Variants in STK33 observed in about 807,000 individuals in gnomAD.
The protein encoded by STK33 is serine/threonine kinase 33, also known as serine/threonine-protein kinase 33.
STK33 carries 52 observed loss-of-function variants against 58.0 expected under a neutral mutation model. The observed-to-expected ratio is 0.90, with a 90% CI of 0.72 to 1.13. STK33 has a LOEUF of 1.13. Among genes scored for constraint, STK33 ranks in the 50% most tolerant of loss-of-function variants. STK33 has a pLI of 0.00. For synonymous variants in STK33, 215 were observed against 200.1 expected (o/e 1.07, Z -0.63); for missense variants, 630 against 604.2 (o/e 1.04, Z -0.45).
chr11:8,523,729 C>G (rs1294742904), intron 1 of STK33, among the ~76,000 whole-genome samples: 1 of 151,212 alleles, frequency 6.6e-6, no homozygotes, highest in Admixed American at 6.6e-5. Context: ...GCCACCGCCC[C>G]GTCTGGGAGG....
At chr11:8,543,607 T>G (rs1955687368) in intron 1 of STK33, among the ~76,000 whole-genome samples, 1 of 152,152 alleles carries the variant, frequency 6.6e-6, no homozygotes, top group Non-Finnish European at 1.5e-5. Context: ...GGAAGGGTTG[T>G]TGGTGGTAGG....
the STK33 span, among the ~76,000 whole-genome samples, chr11:8,369,309 G>A: frequency 6.6e-6 from 1 of 150,692 alleles, no homozygotes; most frequent in African/African-American, 2.4e-5. Flanking sequence ...GTGTGTGTGT[G>A]TGTGTGTGTG....
At chr11:8,585,567 C>G (rs570850457) in intron 1 of STK33, among the ~76,000 whole-genome samples, 1 of 151,938 alleles carries the variant, frequency 6.6e-6, no homozygotes, top group East Asian at 1.9e-4. Flanking sequence ...AGAGCAAGTC[C>G]AAGACAGATG....
intron 1 of STK33, among the ~76,000 whole-genome samples, chr11:8,516,794 C>T (rs868300993): frequency 2.6e-5 from 4 of 152,160 alleles, no homozygotes; most frequent in South Asian, 4.1e-4. Context: ...GAGGGGCGTC[C>T]GCCATTGCTG....
At chr11:8,399,059 G>A (rs377258179) in intron 15 of STK33, among the ~76,000 whole-genome samples, 1 of 152,114 alleles carries the variant, frequency 6.6e-6, no homozygotes, top group African/African-American at 2.4e-5. Flanking sequence ...ACAGATCAAC[G>A]AGACAGAAAG....
chr11:8,453,633 G>C (rs10840051), intron 10 of STK33, among the ~76,000 whole-genome samples: 83,697 of 152,082 alleles, frequency 0.55, 23,419 homozygotes, highest in African/African-American at 0.65. Flanking sequence ...TCAGTATGTG[G>C]CTTTGGAATT....
At chr11:8,357,222 C>T in the STK33 span, among the ~76,000 whole-genome samples, 8 of 152,362 alleles carry the variant, frequency 5.3e-5, no homozygotes, top group African/African-American at 1.7e-4. Context: ...AATGCCCCAT[C>T]GGCTCCCTAA....
intron 1 of STK33, among the ~76,000 whole-genome samples, chr11:8,487,892 T>C (rs573266004): frequency 6.6e-6 from 1 of 152,318 alleles, no homozygotes; most frequent in East Asian, 1.9e-4. Flanking sequence ...AAAGCATGCA[T>C]GTGTGAATGA....
At chr11:8,521,384 C>A (rs542667461) in intron 1 of STK33, among the ~76,000 whole-genome samples, 1 of 152,266 alleles carries the variant, frequency 6.6e-6, no homozygotes, top group East Asian at 1.9e-4. Flanking sequence ...GAAAGGATTC[C>A]CTATTTAATA....
chr11:8,517,696 C>A (rs1952935862), intron 1 of STK33, among the ~76,000 whole-genome samples: 1 of 152,074 alleles, frequency 6.6e-6, no homozygotes, highest in African/African-American at 2.4e-5. Flanking sequence ...GACGCATGCA[C>A]AAGCTTCAGT....
At chr11:8,364,305 T>C in the STK33 span, among the ~76,000 whole-genome samples, 1 of 152,260 alleles carries the variant, frequency 6.6e-6, no homozygotes, top group Admixed American at 6.5e-5. Flanking sequence ...CATTTTCATT[T>C]CTTTGTTGCA....
chr11:8,427,686 T>C (rs1283182082), intron 14 of STK33, among the ~76,000 whole-genome samples: 1 of 152,188 alleles, frequency 6.6e-6, no homozygotes, highest in African/African-American at 2.4e-5. Context: ...TACAATCTGA[T>C]CATCTAGTTT....
chr11:8,466,878 CTTCTG>C (rs1948251772), intron 6 of STK33: 1 of 152,282 alleles, frequency 6.6e-6, no homozygotes, highest in African/African-American at 2.4e-5. Flanking sequence ...TAATTCTTCA[CTTCTG>C]TGCACTCGCA....
intron 1 of STK33, among the ~76,000 whole-genome samples, chr11:8,565,481 C>T (rs1957389280): frequency 6.6e-6 from 1 of 151,482 alleles, no homozygotes; most frequent in Non-Finnish European, 1.5e-5. Flanking sequence ...GTCATAAGCC[C>T]CGAGTTCAAA....
At chr11:8,460,745 G>A (rs1565068322) in intron 8 of STK33, among the ~76,000 whole-genome samples, 1 of 152,034 alleles carries the variant, frequency 6.6e-6, no homozygotes, top group Non-Finnish European at 1.5e-5. Context: ...ATGGCTTAAA[G>A]CTGATGATAA....
chr11:8,394,479 A>T (rs1257516562), intron 15 of STK33, among the ~76,000 whole-genome samples: 1 of 152,194 alleles, frequency 6.6e-6, no homozygotes, highest in African/African-American at 2.4e-5. Flanking sequence ...CTAATATTCT[A>T]TCGAGCAGGA....
chr11:8,452,933 A>T (rs1554942984), intron 10 of STK33, 27 bp from the exon 11 acceptor site: 1 of 1,598,780 alleles, frequency 6.3e-7, no homozygotes, highest in South Asian at 1.1e-5. Flanking sequence ...AAGCACAGTC[A>T]CCTGTTTTCC....
the STK33 span, among the ~76,000 whole-genome samples, chr11:8,359,364 G>T: frequency 6.6e-6 from 1 of 152,222 alleles, no homozygotes; most frequent in African/African-American, 2.4e-5. Context: ...TCATCACCCT[G>T]TGTTTTCAAA....
the STK33 span, among the ~76,000 whole-genome samples, chr11:8,381,391 CCA>C: frequency 6.6e-6 from 1 of 152,154 alleles, no homozygotes; most frequent in African/African-American, 2.4e-5. Context: ...TGCCCCTTCC[CCA>C]CTCCATTGTG....
Sources: gnomAD v4.1 joint callset for allele counts (sites outside exome capture counted in the v4.1 genomes callset) on GRCh38, gnomAD v4.1.1 for gene constraint, MANE v1.5 for transcripts, NCBI Gene and HGNC (gene_info 2026-07-23, HGNC 2026-07-21) for gene names.